ELAVL2: variants seen among roughly 807,000 people sequenced by gnomAD.
ELAVL2 encodes the protein ELAV like RNA binding protein 2, also known as ELAV-like protein 2.
In ELAVL2, 4 loss-of-function variants were observed where a neutral mutation model predicts 34.6. The ratio of observed to expected loss-of-function variants is 0.12; its 90% CI spans 0.06 to 0.26. The LOEUF (loss-of-function observed/expected upper bound fraction) is 0.26, where lower values mean the gene tolerates loss of function less well. Ranked by LOEUF, ELAVL2 falls within the 10% of genes least tolerant of loss-of-function variation. The probability of loss-of-function intolerance (pLI) is 1.00; values close to 1 mark genes in which losing one functional copy is unlikely to be tolerated. For synonymous variants in ELAVL2, 193 were observed against 154.8 expected (o/e 1.25, Z -1.83); for missense variants, 432 against 442.8 (o/e 0.98, Z 0.22).
intron 1 of ELAVL2, among the ~76,000 whole-genome samples, chr9:23,817,697 ATTC>A (rs2063911188): frequency 6.6e-6 from 1 of 152,202 alleles, no homozygotes; most frequent in Non-Finnish European, 1.5e-5. Context: ...GAAATAAAAA[ATTC>A]TTCTAGCCTT....
chr9:23,749,938 T>A (rs915226843), intron 2 of ELAVL2, among the ~76,000 whole-genome samples: 1 of 151,906 alleles, frequency 6.6e-6, no homozygotes, highest in Non-Finnish European at 1.5e-5. Flanking sequence ...AGAGCTGTTA[T>A]TCACTATACT....
At chr9:23,831,254 A>G (rs1257062343), upstream of ELAVL2, among the ~76,000 whole-genome samples, 1 of 152,166 alleles carries the variant, frequency 6.6e-6, no homozygotes, top group Non-Finnish European at 1.5e-5. Flanking sequence ...CCAGTCAATC[A>G]GAGCCATCCA....
At chr9:23,751,679 G>A (rs550199584) in intron 2 of ELAVL2, among the ~76,000 whole-genome samples, 59 of 151,984 alleles carry the variant, frequency 3.9e-4, no homozygotes, top group Non-Finnish European at 8.1e-4. Flanking sequence ...AAAATAAGCC[G>A]CAGTTGGTTT....
At chr9:23,729,133 C>T (rs1564123748) in intron 3 of ELAVL2, among the ~76,000 whole-genome samples, 1 of 152,184 alleles carries the variant, frequency 6.6e-6, no homozygotes, top group Non-Finnish European at 1.5e-5. Context: ...CCTATTTCCC[C>T]TGCATTTCTA....
At chr9:23,709,307 A>T (rs1046637832) in intron 3 of ELAVL2, among the ~76,000 whole-genome samples, 3 of 152,204 alleles carry the variant, frequency 2.0e-5, no homozygotes, top group African/African-American at 7.2e-5. Context: ...AAATGTATTT[A>T]GACCTAAGTG....
chr9:23,737,643 A>T (rs2134981628), intron 2 of ELAVL2, among the ~76,000 whole-genome samples: 1 of 152,346 alleles, frequency 6.6e-6, no homozygotes, highest in Middle Eastern at 3.4e-3. Flanking sequence ...AATTCTGTAA[A>T]AACCTGGTAG....
intron 1 of ELAVL2, among the ~76,000 whole-genome samples, chr9:23,807,675 TAAAC>T (rs970704395): frequency 5.3e-5 from 8 of 152,154 alleles, no homozygotes; most frequent in Admixed American, 1.3e-4. Flanking sequence ...AGGTCATTCA[TAAAC>T]AAACCAAATA....
intron 3 of ELAVL2, among the ~76,000 whole-genome samples, chr9:23,709,363 G>C (rs569914438): frequency 6.6e-6 from 1 of 152,228 alleles, no homozygotes; most frequent in South Asian, 2.1e-4. Flanking sequence ...CTGGAGATCA[G>C]TTACCTAAGG....
chr9:23,756,833 T>C (rs1357579811), intron 2 of ELAVL2, among the ~76,000 whole-genome samples: 1 of 152,170 alleles, frequency 6.6e-6, no homozygotes, highest in African/African-American at 2.4e-5. Flanking sequence ...GTTTAAGACA[T>C]TGATAACTCC....
chr9:23,828,616 T>C (rs1342622151), upstream of ELAVL2, among the ~76,000 whole-genome samples: 1 of 152,188 alleles, frequency 6.6e-6, no homozygotes, highest in Non-Finnish European at 1.5e-5. Context: ...AGATTCAGTA[T>C]TTATGGTTTT....
chr9:23,790,436 G>C (rs1282748755), intron 1 of ELAVL2, among the ~76,000 whole-genome samples: 19 of 152,110 alleles, frequency 1.2e-4, no homozygotes, highest in Non-Finnish European at 1.5e-5. Context: ...TTTCTACTTA[G>C]GATTAGTTAC....
intron 3 of ELAVL2, among the ~76,000 whole-genome samples, chr9:23,717,242 G>A (rs2042549499): frequency 6.6e-6 from 1 of 152,258 alleles, no homozygotes; most frequent in African/African-American, 2.4e-5. Flanking sequence ...ACTAAATACT[G>A]CTTAGAGAAA....
intron 2 of ELAVL2, among the ~76,000 whole-genome samples, chr9:23,748,094 T>TA (rs1212141405): frequency 6.7e-6 from 1 of 148,590 alleles, no homozygotes; most frequent in African/African-American, 2.5e-5. Context: ...TCCAGTGGTC[T>TA]AAAAAAAAGA....
At chr9:23,811,724 G>C (rs1181538634) in intron 1 of ELAVL2, among the ~76,000 whole-genome samples, 3 of 152,132 alleles carry the variant, frequency 2.0e-5, no homozygotes, top group Non-Finnish European at 4.4e-5. Flanking sequence ...CATGTAGTTT[G>C]AAACACAACG....
At chr9:23,697,283 T>A (rs1199905797) in intron 5 of ELAVL2, among the ~76,000 whole-genome samples, 1 of 152,182 alleles carries the variant, frequency 6.6e-6, no homozygotes, top group Non-Finnish European at 1.5e-5. Flanking sequence ...GGAGAGCCGA[T>A]TATTTCTCCT....
At chr9:23,818,283 A>C (rs911287471) in intron 1 of ELAVL2, among the ~76,000 whole-genome samples, 1 of 152,220 alleles carries the variant, frequency 6.6e-6, no homozygotes, top group Admixed American at 6.5e-5. Context: ...TGACAGCTAA[A>C]TACTAACAAG....
At chr9:23,813,925 A>G (rs939314025) in intron 1 of ELAVL2, among the ~76,000 whole-genome samples, 7 of 152,182 alleles carry the variant, frequency 4.6e-5, no homozygotes, top group African/African-American at 1.7e-4. Flanking sequence ...ATAGCATTAG[A>G]GACACCAAGG....
At chr9:23,738,943 G>A (rs749603963) in intron 2 of ELAVL2, among the ~76,000 whole-genome samples, 9 of 152,010 alleles carry the variant, frequency 5.9e-5, no homozygotes, top group East Asian at 3.9e-4. Context: ...CTGGCAATGC[G>A]GCATGACCCT....
chr9:23,699,417 A>G (rs937465858), intron 5 of ELAVL2, among the ~76,000 whole-genome samples: 7 of 151,624 alleles, frequency 4.6e-5, no homozygotes, highest in African/African-American at 1.5e-4. Context: ...TTCAATCTGG[A>G]AAAAAAAAGT....
Sources: gnomAD v4.1 joint callset for allele counts (sites outside exome capture counted in the v4.1 genomes callset) on GRCh38, gnomAD v4.1.1 for gene constraint, MANE v1.5 for transcripts, NCBI Gene and HGNC (gene_info 2026-07-23, HGNC 2026-07-21) for gene names.